The following ACOT1 variants were observed in gnomAD, a reference collection of about 807,000 sequenced individuals.
ACOT1 encodes acyl-coenzyme A thioesterase 1.
In ACOT1, 8 loss-of-function variants were observed where a neutral mutation model predicts 15.7. The ratio of observed to expected loss-of-function variants is 0.51; its 90% CI spans 0.30 to 0.92. The LOEUF (loss-of-function observed/expected upper bound fraction) is 0.92. Ranked by LOEUF, ACOT1 falls within the 40% of genes least tolerant of loss-of-function variation. The probability of loss-of-function intolerance (pLI) is 0.06; values close to 1 mark genes in which losing one functional copy is unlikely to be tolerated. For synonymous variants in ACOT1, 67 were observed against 241.2 expected, an observed-to-expected ratio of 0.28 and a Z score of 6.69; for missense variants, 151 against 539.4, an observed-to-expected ratio of 0.28 and a Z score of 7.13.
chr14:73,498,936 C>A, the ACOT1 span: 2 of 748,226 alleles, frequency 2.7e-6, no homozygotes, highest in Non-Finnish European at 4.6e-6. Context: ...TCTTTTCAGA[C>A]AAGGAACTTC....
chr14:73,533,977 G>C (rs1220630937), upstream of ACOT1, among the ~76,000 whole-genome samples: 2 of 110,894 alleles, frequency 1.8e-5, 1 homozygote, highest in Non-Finnish European at 3.9e-5. Flanking sequence ...ACTTGTTTGG[G>C]AAGAGGAGGT....
At chr14:73,506,840 C>T in the ACOT1 span, among the ~76,000 whole-genome samples, 2 of 81,532 alleles carry the variant, frequency 2.5e-5, no homozygotes, top group Admixed American at 1.6e-4. Flanking sequence ...GAAGGTTGTC[C>T]CCCAGGCTGG....
chr14:73,499,584 G>A, the ACOT1 span, among the ~76,000 whole-genome samples: 2 of 152,158 alleles, frequency 1.3e-5, no homozygotes, highest in African/African-American at 2.4e-5. Context: ...CAATTCTGGT[G>A]ACAAATGAGC....
the ACOT1 span, chr14:73,502,875 T>A: frequency 1.3e-6 from 2 of 1,569,804 alleles, no homozygotes; most frequent in African/African-American, 2.7e-5. Context: ...GAGTGTCTCC[T>A]CATGTTGACT....
chr14:73,492,073 A>G, the ACOT1 span: 1 of 1,613,972 alleles, frequency 6.2e-7, no homozygotes, highest in Non-Finnish European at 8.5e-7. The surrounding 1 kb of genome is among the most constrained non-coding windows in gnomAD (Gnocchi z 4.9). Context: ...TGCAGCTGGA[A>G]GGTAGGAAAC....
At chr14:73,525,425 C>T in the ACOT1 span, among the ~76,000 whole-genome samples, 1 of 152,278 alleles carries the variant, frequency 6.6e-6, no homozygotes, top group South Asian at 2.1e-4. Context: ...CACTCCAGGA[C>T]TTTTTGCACA....
the ACOT1 span, chr14:73,500,839 C>T: frequency 3.2e-6 from 3 of 944,046 alleles, no homozygotes; most frequent in African/African-American, 3.3e-5. Flanking sequence ...GGCTGTCAAT[C>T]CCATTCAGCC....
rs369505394 is a variant in ACOT1, at chr14:73,541,490, A to G, written c.458-3A>G. 1 of 1,244,604 alleles carries G rather than the reference A, an allele frequency of 8.0e-7. No homozygotes were observed. The highest frequency in any genetic ancestry group is 1.1e-6 in the Non-Finnish European group (1 of 936,298). 77.1% of individuals were successfully genotyped at this position (1,244,604 alleles called of 1,614,324 possible). A position where few individuals can be genotyped will look rare whatever the true frequency, so the allele number is the denominator to read the frequency against. On this transcript the variant is annotated splice_polypyrimidine_tract_variant and splice_region_variant and intron_variant, in intron 1 of 2. Transcript: ENST00000311148. ...TTTGCATTTTGTTTTGTTTCTTCCC[A>G]AGAACCTGGGCCCTTTCCTGGCATT...
chr14:73,495,283 G>C, the ACOT1 span: 2 of 1,613,980 alleles, frequency 1.2e-6, no homozygotes, highest in Non-Finnish European at 1.7e-6. Flanking sequence ...GTTCTCCTTT[G>C]GGTTTCAAGT....
At chr14:73,508,052 C>A in the ACOT1 span, 1 of 1,319,990 alleles carries the variant, frequency 7.6e-7, no homozygotes, top group South Asian at 1.3e-5. Context: ...GCCCCAGCTG[C>A]ATTTCAGATT....
the ACOT1 span, among the ~76,000 whole-genome samples, chr14:73,509,866 A>ATT: frequency 1.3e-4 from 9 of 67,500 alleles, 1 homozygote; most frequent in African/African-American, 3.1e-4. Context: ...ATATATATAT[A>ATT]TATTTATTTA....
chr14:73,519,173 G>A, the ACOT1 span: 1 of 1,608,476 alleles, frequency 6.2e-7, no homozygotes, highest in Non-Finnish European at 8.5e-7. Context: ...TCTGTGAACA[G>A]ACAAAGAAAC....
At chr14:73,533,800 C>T (rs185995818), upstream of ACOT1, among the ~76,000 whole-genome samples, 2 of 105,214 alleles carry the variant, frequency 1.9e-5, no homozygotes, top group Admixed American at 1.1e-4. Context: ...GTAATTCTAG[C>T]GCTTTGAGAG....
the ACOT1 span, among the ~76,000 whole-genome samples, chr14:73,499,388 G>A: frequency 6.6e-6 from 1 of 152,176 alleles, no homozygotes; most frequent in Non-Finnish European, 1.5e-5. Context: ...GCTGAGGTAG[G>A]AGAATTGCTT....
At chr14:73,511,901 C>T in the ACOT1 span, 2 of 1,422,478 alleles carry the variant, frequency 1.4e-6, no homozygotes, top group Non-Finnish European at 2.0e-6. Flanking sequence ...TTGGTTTCCA[C>T]ATTTGTAAAA....
the ACOT1 span, chr14:73,519,003 CCTGTT>C: frequency 5.6e-6 from 9 of 1,603,378 alleles, no homozygotes; most frequent in South Asian, 8.9e-5. Context: ...CCCTGCCTTC[CCTGTT>C]AGCTTCCTGC....
chr14:73,496,715 C>T, the ACOT1 span: 1 of 1,168,480 alleles, frequency 8.6e-7, no homozygotes, highest in Admixed American at 1.8e-5. Context: ...ATTATTCTAC[C>T]CTGCCCTTTA....
the ACOT1 span, among the ~76,000 whole-genome samples, chr14:73,494,853 G>A: frequency 6.6e-5 from 10 of 152,126 alleles, no homozygotes; most frequent in Middle Eastern, 3.4e-3. Flanking sequence ...GCGCCACCAC[G>A]CCCAACCACC....
At chr14:73,496,412 G>T in the ACOT1 span, among the ~76,000 whole-genome samples, 1 of 152,188 alleles carries the variant, frequency 6.6e-6, no homozygotes, top group Admixed American at 6.6e-5. Flanking sequence ...GTCTTTACTA[G>T]TAGGACCTTG....
Sources: gnomAD v4.1 joint callset for allele counts (sites outside exome capture counted in the v4.1 genomes callset) on GRCh38, gnomAD v4.1.1 for gene constraint, Gnocchi (gnomAD v3.1) non-coding constraint, MANE v1.5 for transcripts, NCBI Gene and HGNC (gene_info 2026-07-23, HGNC 2026-07-21) for gene names.